The following ACOT12 variants were observed in gnomAD, a reference collection of about 807,000 sequenced individuals.
ACOT12 encodes acyl-CoA thioesterase 12.
A neutral mutation model predicts 67.7 loss-of-function variants in ACOT12; 51 were observed. That is an observed-to-expected ratio of 0.75 (90% CI 0.60 to 0.95). The LOEUF is 0.95. ACOT12 is among the 40% of genes least tolerant of loss of function. The pLI, the probability that ACOT12 is intolerant of heterozygous loss-of-function variation, is 0.00. For missense variants in ACOT12, 734 were observed against 708.1 expected (o/e 1.04, Z -0.41); for synonymous variants, 251 against 244.6 (o/e 1.03, Z -0.24).
At chr5:81,361,077 C>CAAAAAA (rs71000820) in intron 4 of ACOT12, among the ~76,000 whole-genome samples, 25 of 52,546 alleles carry the variant, frequency 4.8e-4, no homozygotes, top group East Asian at 2.7e-3. Flanking sequence ...GACTCCATCT[C>CAAAAAA]AAAAAAAAAA....
At chr5:81,387,582 G>C (rs1368080500) in intron 1 of ACOT12, among the ~76,000 whole-genome samples, 1 of 149,424 alleles carries the variant, frequency 6.7e-6, no homozygotes, top group African/African-American at 2.5e-5. Flanking sequence ...ACCTAGGCTG[G>C]AGTGCAGTGG....
chr5:81,349,367 G>A (rs1034500730), intron 5 of ACOT12, among the ~76,000 whole-genome samples: 2 of 152,066 alleles, frequency 1.3e-5, no homozygotes, highest in East Asian at 1.9e-4. Context: ...CTGCATTCCT[G>A]GTCTGGCCTC....
rs188632446 is a variant in ACOT12, at chr5:81,346,006, T to C, written c.654-2A>G. The C allele has an allele frequency of 6.2e-7, 1 of 1,613,458 alleles. No homozygotes were observed. Among genetic ancestry groups the C allele is most frequent in the African/African-American group, 1.3e-5 (1 of 74,996 alleles). On this transcript the variant is annotated splice_acceptor_variant, in intron 6 of 14. Transcript: ENST00000307624. LOFTEE classifies it high-confidence loss of function. The stretch of plus-strand genomic sequence containing the variant: ...AAGGGATGAGCCCAACACAGGCGGC[T>C]GGGGAGACAAAGGGAGGGAGAGAGA...
At chr5:81,342,002 T>TATTA (rs376707058) in intron 11 of ACOT12, among the ~76,000 whole-genome samples, 4,481 of 152,286 alleles carry the variant, frequency 0.029, 92 homozygotes, top group African/African-American at 0.062. Context: ...TTTATTTATT[T>TATTA]TTTTTAGAGA....
chr5:81,361,917 G>A (rs1759920966), intron 4 of ACOT12, among the ~76,000 whole-genome samples: 1 of 152,162 alleles, frequency 6.6e-6, no homozygotes, highest in Non-Finnish European at 1.5e-5. Context: ...AACTCACTGT[G>A]AACAGAAATT....
At chr5:81,314,350 G>A in the ACOT12 span, among the ~76,000 whole-genome samples, 2 of 152,082 alleles carry the variant, frequency 1.3e-5, no homozygotes, top group African/African-American at 4.8e-5. Flanking sequence ...TGATCTGCTC[G>A]CCTCGGCCTC....
chr5:81,333,917 A>G (rs1758912419), intron 12 of ACOT12, among the ~76,000 whole-genome samples: 1 of 152,140 alleles, frequency 6.6e-6, no homozygotes, highest in Non-Finnish European at 1.5e-5. Flanking sequence ...TGCACCCCAC[A>G]TCCTGTGCCC....
rs1359888979 is a variant in ACOT12, at chr5:81,347,930, T to A, written c.497A>T (p.Asp166Val). 1 of 1,612,858 alleles carries A rather than the reference T, an allele frequency of 6.2e-7. No individual in the cohort carries two copies. Among genetic ancestry groups the A allele is most frequent in the African/African-American group, 1.3e-5 (1 of 74,908 alleles). The stretch of plus-strand genomic sequence containing the variant: ...TCCTTCCTCTTCATCAAAAATGAGA[T>A]CTGAAAGGTGGATGTAAACATTAAT... ...NLMKESSKFD[D>V]LIFDEEEGAV... Residue 166 changes from aspartate (D) to valine (V), a missense_variant and splice_region_variant, in exon 6 of 15, where the codon GAT (aspartate) becomes GTT (valine). Transcript: ENST00000307624.
downstream of ACOT12, among the ~76,000 whole-genome samples, chr5:81,325,887 T>A (rs1758661421): frequency 6.6e-6 from 1 of 152,102 alleles, no homozygotes. Context: ...CATGGCTCAC[T>A]GCAGCCATGA....
At chr5:81,344,827 A>G in intron 8 of ACOT12, 64 bp downstream of exon 8, 1 of 1,575,040 alleles carries the variant, frequency 6.3e-7, no homozygotes, top group Non-Finnish European at 8.7e-7. Flanking sequence ...CGGTGGGAGG[A>G]GATTCTAGGT....
chr5:81,376,408 C>T (rs1036132706), intron 2 of ACOT12, among the ~76,000 whole-genome samples: 2 of 151,154 alleles, frequency 1.3e-5, no homozygotes, highest in Admixed American at 6.6e-5. Flanking sequence ...AAATCAACAC[C>T]CTAACATCAC....
chr5:81,322,458 A>C, the ACOT12 span, among the ~76,000 whole-genome samples: 1 of 37,004 alleles, frequency 2.7e-5, no homozygotes, highest in Non-Finnish European at 4.8e-5. Context: ...ACTCTGTCTC[A>C]AAAAATAAAC....
At chr5:81,362,576 C>A (rs1759949432) in intron 4 of ACOT12, among the ~76,000 whole-genome samples, 1 of 152,154 alleles carries the variant, frequency 6.6e-6, no homozygotes, top group Non-Finnish European at 1.5e-5. Flanking sequence ...AATGGGATTG[C>A]AAGGTGTATT....
chr5:81,344,162 G>T lies in ACOT12; in HGVS notation c.978C>A (p.Gly326=), dbSNP rs1239977646. 2.5e-6 allele frequency: 4 copies of T among 1,613,608 alleles called. No individual in the cohort carries two copies. In the East Asian group the frequency reaches 8.9e-5, roughly 36 times the overall value. Residue 326 remains glycine (G), a splice_region_variant and synonymous_variant, in exon 9 of 15, where the codon GGC becomes GGA. Coordinates refer to ENST00000307624, the MANE Select transcript of ACOT12 (RefSeq NM_130767.3). ...GAIARKRIRL[G]RKYVISHKEE... ...TCATTACACCTTATGTTCCTTACCT[G>T]CCTAGGCGAATTCGCTTGCGTGCAA... is the stretch of plus-strand genomic sequence containing the variant.
downstream of ACOT12, among the ~76,000 whole-genome samples, chr5:81,328,698 T>C (rs966421770): frequency 6.6e-5 from 10 of 152,196 alleles, no homozygotes; most frequent in South Asian, 2.1e-4. Context: ...ATGAGTCCTA[T>C]GTTTTTGTTC....
chr5:81,346,291 C>T (rs957157115), intron 6 of ACOT12, among the ~76,000 whole-genome samples: 2 of 152,188 alleles, frequency 1.3e-5, no homozygotes, highest in Non-Finnish European at 2.9e-5. Flanking sequence ...CAAACCAATG[C>T]TTTTTGTTCT....
intron 5 of ACOT12, among the ~76,000 whole-genome samples, chr5:81,349,566 G>A (rs1415833175): frequency 6.6e-6 from 1 of 152,104 alleles, no homozygotes; most frequent in Non-Finnish European, 1.5e-5. Flanking sequence ...CCTCAGTGGA[G>A]CCTTCTCTGA....
intron 4 of ACOT12, among the ~76,000 whole-genome samples, chr5:81,361,761 A>C (rs74927799): frequency 0.017 from 2,569 of 152,316 alleles, 81 homozygotes; most frequent in African/African-American, 0.057. Flanking sequence ...AAGGCTTTGC[A>C]TGAGTGTACC....
chr5:81,388,517 G>A (rs1315058130), intron 1 of ACOT12, among the ~76,000 whole-genome samples: 2 of 152,190 alleles, frequency 1.3e-5, no homozygotes, highest in Non-Finnish European at 2.9e-5. Context: ...TTGTAAGTAG[G>A]TACGAAATGA....
Sources: gnomAD v4.1 joint callset for allele counts (sites outside exome capture counted in the v4.1 genomes callset) on GRCh38, gnomAD v4.1.1 for gene constraint, MANE v1.5 for transcripts, NCBI Gene and HGNC (gene_info 2026-07-23, HGNC 2026-07-21) for gene names.